Variants in IL1RAPL1 observed in about 807,000 individuals in gnomAD.
The protein encoded by IL1RAPL1 is interleukin 1 receptor accessory protein like 1.
Under a neutral mutation model 48.4 loss-of-function variants are expected in IL1RAPL1, and 3 were observed. The observed-to-expected ratio is 0.06, with a 90% CI of 0.03 to 0.16. The LOEUF (loss-of-function observed/expected upper bound fraction) is 0.16, where lower values mean the gene tolerates loss of function less well. Ranked by LOEUF, IL1RAPL1 falls within the 10% of genes least tolerant of loss-of-function variation. The pLI is 1.00. For synonymous variants in IL1RAPL1, 185 were observed against 187.7 expected (o/e 0.99, Z 0.12); for missense variants, 349 against 530.6 (o/e 0.66, Z 3.36).
intron 6 of IL1RAPL1, among the ~76,000 whole-genome samples, chrX:29,894,477 CTACTT>C (rs1932335727): frequency 8.9e-6 from 1 of 111,981 alleles, no homozygotes; most frequent in African/African-American, 3.2e-5. Flanking sequence ...ATGCCCTTTA[CTACTT>C]TATTTTCACT....
At chrX:29,256,001 A>C (rs1931752107) in intron 2 of IL1RAPL1, among the ~76,000 whole-genome samples, 1 of 111,651 alleles carries the variant, frequency 9.0e-6, no homozygotes, top group African/African-American at 3.3e-5. Context: ...GTTGAATAGT[A>C]GTTTTGTTTT....
chrX:29,116,506 A>T (rs1451323858), intron 2 of IL1RAPL1, among the ~76,000 whole-genome samples: 1 of 111,803 alleles, frequency 8.9e-6, no homozygotes, highest in Non-Finnish European at 1.9e-5. Context: ...CAAAAATAAG[A>T]ATGAGATTTT....
chrX:29,435,107 T>C (rs1934468181), intron 5 of IL1RAPL1, among the ~76,000 whole-genome samples: 1 of 111,442 alleles, frequency 9.0e-6, no homozygotes, highest in Non-Finnish European at 1.9e-5. Context: ...TTAAGGTTCA[T>C]ACGTACTGTA....
intron 9 of IL1RAPL1, among the ~76,000 whole-genome samples, chrX:29,953,095 C>A (rs1933349379): frequency 9.0e-6 from 1 of 111,725 alleles, no homozygotes; most frequent in Non-Finnish European, 1.9e-5. Flanking sequence ...TGAAGAATGT[C>A]CCTCTATCGT....
At chrX:28,799,875 G>A (rs1460742452) in intron 2 of IL1RAPL1, among the ~76,000 whole-genome samples, 2 of 111,517 alleles carry the variant, frequency 1.8e-5, no homozygotes, top group African/African-American at 6.5e-5. Context: ...GGGGAGAGTG[G>A]ATGGAATGAA....
At chrX:29,772,087 A>C (rs778151423) in intron 6 of IL1RAPL1, among the ~76,000 whole-genome samples, 1 of 109,658 alleles carries the variant, frequency 9.1e-6, no homozygotes, top group South Asian at 4.1e-4. Flanking sequence ...GGGAGCTACG[A>C]TTCGAGATTT....
chrX:28,775,694 G>T (rs1342622842), intron 1 of IL1RAPL1, among the ~76,000 whole-genome samples: 1 of 112,506 alleles, frequency 8.9e-6, no homozygotes, highest in Non-Finnish European at 1.9e-5. Flanking sequence ...ACATGAATTG[G>T]CCTCAGCCTA....
intron 3 of IL1RAPL1, among the ~76,000 whole-genome samples, chrX:29,296,694 T>C (rs773251656): frequency 9.0e-6 from 1 of 111,386 alleles, no homozygotes; most frequent in Admixed American, 9.6e-5. Flanking sequence ...ATTGTAGAAT[T>C]ACCTCACTGG....
chrX:28,705,781 A>G (rs1457807905), intron 1 of IL1RAPL1, among the ~76,000 whole-genome samples: 1 of 111,927 alleles, frequency 8.9e-6, no homozygotes, highest in Non-Finnish European at 1.9e-5. Flanking sequence ...TCCAAAGAAA[A>G]GGCCCAACAT....
At chrX:29,764,207 G>A (rs1326001063) in intron 6 of IL1RAPL1, among the ~76,000 whole-genome samples, 1 of 111,476 alleles carries the variant, frequency 9.0e-6, no homozygotes, top group Non-Finnish European at 1.9e-5. Context: ...AGAAACTTGT[G>A]CCCACCTATG....
intron 2 of IL1RAPL1, among the ~76,000 whole-genome samples, chrX:29,191,711 C>T (rs770847881): frequency 8.3e-4 from 92 of 111,397 alleles, no homozygotes; most frequent in Non-Finnish European, 1.5e-3. Flanking sequence ...GTCCACAGGG[C>T]GCTTCAGAGG....
At chrX:29,318,974 T>C (rs1195596283) in intron 3 of IL1RAPL1, among the ~76,000 whole-genome samples, 4 of 111,655 alleles carry the variant, frequency 3.6e-5, no homozygotes, top group Admixed American at 2.9e-4. Flanking sequence ...TCTTTTATGG[T>C]CAATTATAAA....
chrX:29,074,507 A>T (rs1353100028), intron 2 of IL1RAPL1, among the ~76,000 whole-genome samples: 1 of 112,172 alleles, frequency 8.9e-6, no homozygotes, highest in African/African-American at 3.2e-5. Flanking sequence ...TACAAAATCT[A>T]ATAGGACTTA....
chrX:29,581,449 T>G (rs182693672), intron 5 of IL1RAPL1, among the ~76,000 whole-genome samples: 186 of 111,979 alleles, frequency 1.7e-3, no homozygotes, highest in Non-Finnish European at 2.9e-3. Flanking sequence ...TTTTCCATCC[T>G]ATTGCCATAT....
intron 6 of IL1RAPL1, among the ~76,000 whole-genome samples, chrX:29,833,211 A>G (rs1363203714): frequency 8.9e-6 from 1 of 112,054 alleles, no homozygotes; most frequent in East Asian, 2.8e-4. Context: ...CAGATGACAC[A>G]TATATACACA....
chrX:29,372,628 A>G (rs1174918679), intron 3 of IL1RAPL1, among the ~76,000 whole-genome samples: 1 of 111,331 alleles, frequency 9.0e-6, no homozygotes, highest in African/African-American at 3.3e-5. Flanking sequence ...ATTATTCTGC[A>G]TATGGCTAGC....
chrX:29,250,796 C>G lies in IL1RAPL1; in HGVS notation c.83-32142C>G, dbSNP rs966095751. Among the ~76,000 whole-genome samples, 3 of 111,271 alleles carry G rather than the reference C, an allele frequency of 2.7e-5. No individual in the cohort carries two copies. In the East Asian group the frequency reaches 8.5e-4, roughly 31 times the overall value. Reference sequence around the variant, plus strand: ...TAATTGGCTCTTGTTTGCCTAATCTCCTGTAACAGATAATGTTATTACAGA... The same window carrying G: ...TAATTGGCTCTTGTTTGCCTAATCTGCTGTAACAGATAATGTTATTACAGA... On this transcript the variant is annotated intron_variant, in intron 2 of 10. Transcript: ENST00000378993.
intron 3 of IL1RAPL1, among the ~76,000 whole-genome samples, chrX:29,381,457 C>T (rs1462431817): frequency 1.3e-5 from 1 of 75,299 alleles, no homozygotes; most frequent in Non-Finnish European, 2.3e-5. Flanking sequence ...GAATTAGAGA[C>T]CAGCCTGAGT....
intron 2 of IL1RAPL1, among the ~76,000 whole-genome samples, chrX:28,896,935 A>G (rs962337305): frequency 4.5e-5 from 5 of 111,053 alleles, no homozygotes; most frequent in African/African-American, 1.6e-4. Context: ...CAAAAGTGCC[A>G]TTTTCTGGCT....
Sources: allele counts gnomAD v4.1 joint callset (sites outside exome capture counted in the v4.1 genomes callset), GRCh38; gene constraint gnomAD v4.1.1; transcripts MANE v1.5; gene names NCBI Gene and HGNC (gene_info 2026-07-23, HGNC 2026-07-21).